Variants in CRYBG1 observed in about 807,000 individuals in gnomAD.
CRYBG1 encodes crystallin beta-gamma domain containing 1.
CRYBG1 carries 139 observed loss-of-function variants against 189.2 expected under a neutral mutation model. That is an observed-to-expected ratio of 0.73 (90% CI 0.64 to 0.85). CRYBG1 has a LOEUF of 0.85. Among genes scored for constraint, CRYBG1 ranks in the 40% least tolerant of loss-of-function variants. The probability of loss-of-function intolerance (pLI) is 0.00; values close to 1 mark genes in which losing one functional copy is unlikely to be tolerated. For synonymous variants in CRYBG1, 1,023 were observed against 1,017.1 expected, an observed-to-expected ratio of 1.01 and a Z score of -0.11; for missense variants, 2,611 against 2,675.8, an observed-to-expected ratio of 0.98 and a Z score of 0.53.
intron 3 of CRYBG1, among the ~76,000 whole-genome samples, chr6:106,515,741 T>C (rs1023652859): frequency 7.2e-5 from 11 of 151,816 alleles, no homozygotes; most frequent in Non-Finnish European, 1.5e-4. Flanking sequence ...GGGAGAAATT[T>C]ATGAGCAGAG....
chr6:106,460,182 G>A (rs1039686612), intron 2 of CRYBG1, among the ~76,000 whole-genome samples: 5 of 151,782 alleles, frequency 3.3e-5, no homozygotes, highest in Admixed American at 2.6e-4. Flanking sequence ...TAGTAGAGAC[G>A]GGGTTTCACT....
intron 2 of CRYBG1, among the ~76,000 whole-genome samples, chr6:106,500,391 ATTTCCC>A (rs1482949206): frequency 6.7e-6 from 1 of 149,070 alleles, no homozygotes; most frequent in Non-Finnish European, 1.5e-5. Context: ...TTTCATTTTC[ATTTCCC>A]TGATGAACAG....
At chr6:106,493,974 A>G (rs888946897) in intron 2 of CRYBG1, among the ~76,000 whole-genome samples, 3 of 152,100 alleles carry the variant, frequency 2.0e-5, no homozygotes, top group South Asian at 2.1e-4. Flanking sequence ...GTTAAAGGGG[A>G]AAAAAAAGAA....
At chr6:106,454,317 A>T (rs1771842603) in intron 2 of CRYBG1, among the ~76,000 whole-genome samples, 1 of 152,046 alleles carries the variant, frequency 6.6e-6, no homozygotes, top group Non-Finnish European at 1.5e-5. Context: ...TGGCTGAGAG[A>T]TTTACTGAAC....
At chr6:106,471,565 A>G (rs1427829628) in intron 2 of CRYBG1, among the ~76,000 whole-genome samples, 1 of 152,174 alleles carries the variant, frequency 6.6e-6, no homozygotes, top group Non-Finnish European at 1.5e-5. Flanking sequence ...TTTCTGAAAC[A>G]TTACCCTCCA....
At chr6:106,497,967 G>A (rs1008181293) in intron 2 of CRYBG1, among the ~76,000 whole-genome samples, 10 of 152,110 alleles carry the variant, frequency 6.6e-5, no homozygotes, top group African/African-American at 2.4e-4. Context: ...TGGGCGTGGT[G>A]GCGCACGCCT....
chr6:106,385,697 T>G (rs1582733803), intron 1 of CRYBG1, among the ~76,000 whole-genome samples: 1 of 152,216 alleles, frequency 6.6e-6, no homozygotes, highest in Non-Finnish European at 1.5e-5. Flanking sequence ...CGGTGACTCA[T>G]TAATCCTCTC....
chr6:106,448,638 T>C (rs1771717597), intron 1 of CRYBG1, among the ~76,000 whole-genome samples: 1 of 152,220 alleles, frequency 6.6e-6, no homozygotes. Flanking sequence ...GTGTCATCTC[T>C]ACCTCTCCCA....
chr6:106,508,347 T>C (rs1773174021), intron 2 of CRYBG1, among the ~76,000 whole-genome samples: 1 of 152,238 alleles, frequency 6.6e-6, no homozygotes, highest in South Asian at 2.1e-4. Context: ...ACTTCATTTA[T>C]ATATACCCAT....
intron 2 of CRYBG1, among the ~76,000 whole-genome samples, chr6:106,453,513 GA>G (rs565227341): frequency 6.6e-6 from 1 of 151,732 alleles, no homozygotes; most frequent in Non-Finnish European, 1.5e-5. Context: ...TTAACTAGGG[GA>G]AAAAAAACCC....
chr6:106,456,951 T>A (rs1771900387), intron 2 of CRYBG1, among the ~76,000 whole-genome samples: 1 of 152,182 alleles, frequency 6.6e-6, no homozygotes, highest in African/African-American at 2.4e-5. Context: ...ACCCACATTG[T>A]GTCTCAAGTC....
Position 106,360,880 on chromosome 6 carries a change from G to T in CRYBG1, c.-29G>T. On this transcript the variant is annotated 5_prime_UTR_variant, in exon 1 of 22. Coordinates refer to ENST00000633556, the MANE Select transcript of CRYBG1 (RefSeq NM_001371242.2). ...CGGGCGGCAGAGAGGACCGCGTCCC[G>T]GCAGTCGGAGCGGGAGGAGGACAAG... is the stretch of plus-strand genomic sequence containing the variant. The T allele has an allele frequency of 6.6e-7, 1 of 1,510,332 alleles. No individual in the cohort carries two copies. The highest frequency in any genetic ancestry group is 8.8e-7 in the Non-Finnish European group (1 of 1,133,606). 93.6% of individuals were successfully genotyped at this position (1,510,332 alleles called of 1,614,324 possible). A position where few individuals can be genotyped will look rare whatever the true frequency, so the allele number is the denominator to read the frequency against.
At position 106,371,352 on chromosome 6, in the gene CRYBG1, GTC is replaced by G. The variant is rs1268554107; in HGVS notation, c.173+10272_173+10273del. On this transcript the variant is annotated intron_variant, in intron 1 of 21. Transcript: ENST00000633556. ...ATTCAATGTCTCCTTTATCATGCAT[GTC>G]ATTACAAACCTAAGAACTGGCCCTT... 1.4e-4 allele frequency among the ~76,000 whole-genome samples: 21 copies of G among 152,190 alleles called. 1 individual carries two copies. Among genetic ancestry groups the G allele is most frequent in the Non-Finnish European group, 1.0e-4 (7 of 68,042 alleles).
intron 1 of CRYBG1, among the ~76,000 whole-genome samples, chr6:106,439,330 T>C (rs544131855): frequency 6.6e-6 from 1 of 152,326 alleles, no homozygotes; most frequent in South Asian, 2.1e-4. Flanking sequence ...GAAGCATCTT[T>C]ATATGTCCTA....
At chr6:106,489,637 G>A (rs528356825) in intron 2 of CRYBG1, among the ~76,000 whole-genome samples, 1 of 146,524 alleles carries the variant, frequency 6.8e-6, no homozygotes, top group African/African-American at 2.6e-5. Flanking sequence ...TGGCCAACAT[G>A]GTGAAACCCT....
chr6:106,527,943 T>C (rs17495623), intron 7 of CRYBG1, among the ~76,000 whole-genome samples: 5,069 of 152,290 alleles, frequency 0.033, 130 homozygotes, highest in Non-Finnish European at 0.052. Flanking sequence ...GGCCACTTTA[T>C]GGGTGAGGTA....
intron 1 of CRYBG1, among the ~76,000 whole-genome samples, chr6:106,444,466 C>T (rs1771626354): frequency 6.6e-6 from 1 of 152,188 alleles, no homozygotes; most frequent in Non-Finnish European, 1.5e-5. Flanking sequence ...GCACAATTCT[C>T]CTGGTTGTTT....
In CRYBG1 at chr6:106,511,699, G is replaced by T; in HGVS notation, c.582G>T (p.Glu194Asp). The T allele has an allele frequency of 6.5e-7, 1 of 1,535,458 alleles. No homozygotes were observed. Among genetic ancestry groups the T allele is most frequent in the Non-Finnish European group, 8.7e-7 (1 of 1,146,612 alleles). Residue 194 changes from glutamate (E) to aspartate (D), a missense_variant, in exon 3 of 22, where the codon GAG (glutamate) becomes GAT (aspartate). Coordinates refer to ENST00000633556, the MANE Select transcript of CRYBG1 (RefSeq NM_001371242.2). The part of the protein sequence containing the change: ...GSPRENPREA[E>D]GELPESGGPA... ...CGCGGGAGAATCCCCGAGAGGCAGA[G>T]GGCGAGCTCCCCGAGAGCGGTGGCC...
intron 1 of CRYBG1, among the ~76,000 whole-genome samples, chr6:106,423,508 C>T (rs1771168240): frequency 6.6e-6 from 1 of 151,868 alleles, no homozygotes; most frequent in Non-Finnish European, 1.5e-5. Flanking sequence ...ATAAGCATAA[C>T]ATTTATGCTA....
Sources: allele counts gnomAD v4.1 joint callset (sites outside exome capture counted in the v4.1 genomes callset), GRCh38; gene constraint gnomAD v4.1.1; transcripts MANE v1.5; gene names NCBI Gene and HGNC (gene_info 2026-07-23, HGNC 2026-07-21).